Variants in SNTB1 observed in about 807,000 individuals in gnomAD.
SNTB1 encodes beta-1-syntrophin.
SNTB1 carries 36 observed loss-of-function variants against 48.9 expected under a neutral mutation model. The ratio of observed to expected loss-of-function variants is 0.74; its 90% CI spans 0.56 to 0.97. The LOEUF is 0.97. Among genes scored for constraint, SNTB1 ranks in the 50% least tolerant of loss-of-function variants. SNTB1 has a pLI of 0.00. For missense variants in SNTB1, 786 were observed against 703.4 expected (o/e 1.12, Z -1.33); for synonymous variants, 299 against 294.6 (o/e 1.01, Z -0.15).
chr8:120,623,550 T>C (rs1816825560), intron 3 of SNTB1, among the ~76,000 whole-genome samples: 1 of 152,226 alleles, frequency 6.6e-6, no homozygotes, highest in Non-Finnish European at 1.5e-5. Flanking sequence ...TGCTCCCTAG[T>C]GCAACCCCAA....
intron 3 of SNTB1, among the ~76,000 whole-genome samples, chr8:120,601,697 T>C (rs1420150266): frequency 2.0e-5 from 3 of 152,220 alleles, no homozygotes; most frequent in East Asian, 1.9e-4. Flanking sequence ...GAAATGGCAA[T>C]ATTTTTATGT....
Position 120,641,079 on chromosome 8 carries a change from C to T in SNTB1, c.789-8428G>A, listed in dbSNP as rs189006347. Among the ~76,000 whole-genome samples, 312 of 151,894 alleles carry T rather than the reference C, an allele frequency of 2.1e-3. 1 individual carries two copies. Among genetic ancestry groups the T allele is most frequent in the African/African-American group, 7.3e-3 (301 of 41,412 alleles). ...CTCTTTCTTCATTCATAGCCAAAGACTTAATAATTACAATCAACTGTCAAT... is the reference window on the plus strand; with the variant it reads ...CTCTTTCTTCATTCATAGCCAAAGATTTAATAATTACAATCAACTGTCAAT... On this transcript the variant is annotated intron_variant, in intron 2 of 6. Coordinates refer to ENST00000517992, the MANE Select transcript of SNTB1 (RefSeq NM_021021.4).
intron 6 of SNTB1, among the ~76,000 whole-genome samples, chr8:120,539,699 C>T (rs61424477): frequency 0.075 from 11,345 of 152,204 alleles, 640 homozygotes; most frequent in East Asian, 0.19. Context: ...GAGTTGTTCT[C>T]AATTCTCTTC....
intron 1 of SNTB1, among the ~76,000 whole-genome samples, chr8:120,735,976 G>T (rs1818935497): frequency 2.6e-5 from 4 of 152,118 alleles, no homozygotes; most frequent in Admixed American, 2.6e-4. Flanking sequence ...AATTCCCCGA[G>T]ACTGGGTAAT....
intron 3 of SNTB1, among the ~76,000 whole-genome samples, chr8:120,611,467 G>A (rs1816620505): frequency 6.6e-6 from 1 of 152,116 alleles, no homozygotes; most frequent in African/African-American, 2.4e-5. Flanking sequence ...AAATTAAGTT[G>A]GAGAAAGAAT....
Position 120,811,832 on chromosome 8 carries a change from C to T in SNTB1, c.12G>A (p.Ala4=). 1.5e-6 allele frequency: 2 copies of T among 1,347,754 alleles called. No homozygotes were observed. The highest frequency in any genetic ancestry group is 1.9e-6 in the Non-Finnish European group (2 of 1,053,460). The allele number at this position is 1,347,754 out of a possible 1,614,324, so 83.5% of individuals were successfully genotyped here. The change falls in exon 1 of 7, where the codon GCG becomes GCA. Residue 4 remains alanine, a synonymous_variant. Transcript: ENST00000517992. The part of the protein sequence containing the change: MAV[A]AAAAAAGPAG... ...CCGGCCCAGCCGCCGCCGCCGCCGC[C>T]GCTACCGCCATCTTTCCGGCATTCT... is the stretch of plus-strand genomic sequence containing the variant.
intron 2 of SNTB1, among the ~76,000 whole-genome samples, chr8:120,682,833 G>C (rs1817955465): frequency 6.6e-6 from 1 of 151,788 alleles, no homozygotes; most frequent in African/African-American, 2.4e-5. Flanking sequence ...AAATGAAGGA[G>C]GTAAATTATC....
chr8:120,546,837 T>C (rs2130649402), intron 5 of SNTB1, among the ~76,000 whole-genome samples: 2 of 152,304 alleles, frequency 1.3e-5, no homozygotes, highest in South Asian at 4.1e-4. Flanking sequence ...CCTATATATG[T>C]AAGTTTGGAT....
intron 2 of SNTB1, among the ~76,000 whole-genome samples, chr8:120,675,718 C>T (rs1452421251): frequency 1.3e-5 from 2 of 152,184 alleles, no homozygotes; most frequent in Non-Finnish European, 2.9e-5. Flanking sequence ...CTCTCTCTGC[C>T]ACAAGAACCT....
At chr8:120,553,331 T>C (rs1258504740) in intron 4 of SNTB1, among the ~76,000 whole-genome samples, 2 of 152,262 alleles carry the variant, frequency 1.3e-5, no homozygotes, top group Non-Finnish European at 2.9e-5. Context: ...TGTTGAATTA[T>C]GTGTCCTTTT....
At chr8:120,764,222 AT>A (rs1200468736) in intron 1 of SNTB1, among the ~76,000 whole-genome samples, 17 of 152,334 alleles carry the variant, frequency 1.1e-4, no homozygotes, top group Middle Eastern at 3.4e-3. Context: ...AGAATAAATA[AT>A]GGTATATCCA....
At chr8:120,705,293 G>A (rs1818363295) in intron 1 of SNTB1, among the ~76,000 whole-genome samples, 1 of 152,172 alleles carries the variant, frequency 6.6e-6, no homozygotes, top group East Asian at 1.9e-4. Context: ...CTCACTCATA[G>A]AACTGTTGTG....
chr8:120,662,443 C>G (rs903813276), intron 2 of SNTB1, among the ~76,000 whole-genome samples: 7 of 152,142 alleles, frequency 4.6e-5, no homozygotes, highest in Non-Finnish European at 7.4e-5. Context: ...TCATTAGTTC[C>G]TGTTTTTTAA....
intron 6 of SNTB1, among the ~76,000 whole-genome samples, chr8:120,540,228 A>G (rs1483840398): frequency 1.3e-5 from 2 of 152,128 alleles, no homozygotes; most frequent in South Asian, 2.1e-4. Flanking sequence ...CCTACAGCTC[A>G]TCTCTGGTCC....
chr8:120,645,099 C>A (rs1817265585), intron 2 of SNTB1, among the ~76,000 whole-genome samples: 1 of 149,132 alleles, frequency 6.7e-6, no homozygotes, highest in African/African-American at 2.4e-5. Context: ...AAAATTTTCT[C>A]CCATTTTGTA....
At chr8:120,703,988 T>C (rs1010688396) in intron 1 of SNTB1, among the ~76,000 whole-genome samples, 12 of 152,190 alleles carry the variant, frequency 7.9e-5, no homozygotes, top group African/African-American at 1.9e-4. Flanking sequence ...ACAGTAGCAA[T>C]TGGCAGTGCT....
chr8:120,538,371 T>G lies in SNTB1; in HGVS notation c.*506A>C. On this transcript the variant is annotated 3_prime_UTR_variant, in exon 7 of 7. Coordinates refer to ENST00000517992, the MANE Select transcript of SNTB1 (RefSeq NM_021021.4). ...AAAGGTGGGTTTCTATTTGAAATAT[T>G]TTTCTTTTCCTACAAGGGAAAGTCA... 1 of 222,052 alleles carries G rather than the reference T, an allele frequency of 4.5e-6. No homozygotes were observed. The allele number at this position is 222,052 out of a possible 1,614,324, so 13.8% of individuals were successfully genotyped here. A position where few individuals can be genotyped will look rare whatever the true frequency, so the allele number is the denominator to read the frequency against.
intron 1 of SNTB1, among the ~76,000 whole-genome samples, chr8:120,783,395 T>C (rs1043135578): frequency 1.8e-4 from 27 of 152,316 alleles, no homozygotes; most frequent in African/African-American, 6.3e-4. Context: ...ATGTAGAATA[T>C]GCACTGAATA....
At chr8:120,789,248 T>TAAG (rs1819980606) in intron 1 of SNTB1, among the ~76,000 whole-genome samples, 2 of 151,756 alleles carry the variant, frequency 1.3e-5, no homozygotes, top group South Asian at 4.1e-4. Flanking sequence ...AAAGGCGTGC[T>TAAG]AAGAAGAAAG....
Sources: gnomAD v4.1 joint callset for allele counts (sites outside exome capture counted in the v4.1 genomes callset) on GRCh38, gnomAD v4.1.1 for gene constraint, MANE v1.5 for transcripts, NCBI Gene and HGNC (gene_info 2026-07-23, HGNC 2026-07-21) for gene names.